Variants in PKIB observed in about 807,000 individuals in gnomAD.
The protein encoded by PKIB is cAMP-dependent protein kinase inhibitor beta.
In PKIB, 2 loss-of-function variants were observed where a neutral mutation model predicts 4.5. The observed-to-expected ratio is 0.44, with a 90% confidence interval of 0.18 to 1.39. The LOEUF is 1.39. Ranked by LOEUF, PKIB falls within the 40% of genes most tolerant of loss-of-function variation. The pLI, the probability that PKIB is intolerant of heterozygous loss-of-function variation, is 0.27. For missense variants in PKIB, 94 were observed against 92.6 expected (o/e 1.02, Z -0.06); for synonymous variants, 38 against 36.0 (o/e 1.06, Z -0.20).
intron 2 of PKIB, among the ~76,000 whole-genome samples, chr6:122,662,308 C>CTTTGTTTTTTTTTTTTTTTTTTT (rs1777030847): frequency 7.5e-5 from 1 of 13,252 alleles, no homozygotes; most frequent in Non-Finnish European, 1.5e-4. Flanking sequence ...TCCTTGTCTC[C>CTTTGTTTTTTTTTTTTTTTTTTT]TTTTTTTTTT....
At chr6:122,701,207 C>A in intron 3 of PKIB, 2 of 421,958 alleles carry the variant, frequency 4.7e-6, no homozygotes, top group South Asian at 3.5e-5. Flanking sequence ...ACCAGGATAC[C>A]ATGCTTGGTT....
chr6:122,672,339 A>T (rs896269128), intron 2 of PKIB, among the ~76,000 whole-genome samples: 1 of 152,216 alleles, frequency 6.6e-6, no homozygotes, highest in African/African-American at 2.4e-5. Context: ...AATATTCCTC[A>T]TCTAAAAACA....
intron 1 of PKIB, among the ~76,000 whole-genome samples, chr6:122,475,888 C>G (rs1289792619): frequency 6.6e-6 from 1 of 152,150 alleles, no homozygotes; most frequent in Non-Finnish European, 1.5e-5. Context: ...CAGTGTGTCT[C>G]CATCAAGGTT....
At chr6:122,513,562 A>G (rs1021895727) in intron 2 of PKIB, among the ~76,000 whole-genome samples, 1 of 152,132 alleles carries the variant, frequency 6.6e-6, no homozygotes, top group African/African-American at 2.4e-5. Context: ...TGGGGTGTAG[A>G]TGTCATCACC....
intron 2 of PKIB, among the ~76,000 whole-genome samples, chr6:122,494,688 G>T (rs1041824122): frequency 9.9e-5 from 15 of 152,160 alleles, no homozygotes; most frequent in Non-Finnish European, 1.6e-4. Context: ...TCTTCAAGTG[G>T]GTCATCAAAG....
chr6:122,569,321 T>G (rs1562254624), intron 2 of PKIB, among the ~76,000 whole-genome samples: 2 of 152,214 alleles, frequency 1.3e-5, no homozygotes, highest in Non-Finnish European at 2.9e-5. Flanking sequence ...CAGCTGGTGC[T>G]CTTTTAAAGT....
chr6:122,513,907 A>G (rs750857610), intron 2 of PKIB, among the ~76,000 whole-genome samples: 1 of 152,222 alleles, frequency 6.6e-6, no homozygotes, highest in Non-Finnish European at 1.5e-5. Context: ...ATTATAAGGA[A>G]AGTGAGGGAA....
intron 2 of PKIB, among the ~76,000 whole-genome samples, chr6:122,653,210 A>G (rs913188857): frequency 2.0e-5 from 3 of 152,188 alleles, no homozygotes; most frequent in Non-Finnish European, 1.5e-5. Context: ...GAAAATAATG[A>G]GGTTGATACA....
chr6:122,485,427 G>A (rs1339651612), intron 2 of PKIB, among the ~76,000 whole-genome samples: 1 of 152,074 alleles, frequency 6.6e-6, no homozygotes, highest in Non-Finnish European at 1.5e-5. Flanking sequence ...GAAGGTTTAG[G>A]TTAAAATATT....
intron 2 of PKIB, among the ~76,000 whole-genome samples, chr6:122,528,189 G>A (rs1051019508): frequency 6.6e-6 from 1 of 152,116 alleles, no homozygotes; most frequent in African/African-American, 2.4e-5. Flanking sequence ...ACCAATATTA[G>A]GCACTAGTAT....
chr6:122,575,943 A>G (rs1302025167), intron 2 of PKIB, among the ~76,000 whole-genome samples: 1 of 152,194 alleles, frequency 6.6e-6, no homozygotes, highest in East Asian at 1.9e-4. Context: ...AACAACATGA[A>G]TGAATCTCAA....
intron 3 of PKIB, among the ~76,000 whole-genome samples, chr6:122,598,312 C>T (rs1164110185): frequency 6.6e-6 from 1 of 151,720 alleles, no homozygotes; most frequent in Non-Finnish European, 1.5e-5. Flanking sequence ...CTTCTGGGAA[C>T]ACTGTGATTA....
chr6:122,654,813 A>G (rs12205720), intron 2 of PKIB, among the ~76,000 whole-genome samples: 38,699 of 152,052 alleles, frequency 0.25, 5,411 homozygotes, highest in East Asian at 0.37. Context: ...TTAGAAAGAG[A>G]AATGTATCTT....
chr6:122,634,209 G>A (rs1435254835), intron 2 of PKIB, among the ~76,000 whole-genome samples: 2 of 151,990 alleles, frequency 1.3e-5, no homozygotes, highest in African/African-American at 4.8e-5. Context: ...GGCCTGTCAG[G>A]GAGTGTGGGG....
At chr6:122,576,710 A>ATATATATATATATATT (rs59569106) in intron 2 of PKIB, among the ~76,000 whole-genome samples, 31 of 109,900 alleles carry the variant, frequency 2.8e-4, no homozygotes, top group African/African-American at 4.0e-4. Flanking sequence ...ATATATATAT[A>ATATATATATATATATT]TTTTCTTTTG....
intron 3 of PKIB, among the ~76,000 whole-genome samples, chr6:122,601,683 T>C (rs1774372490): frequency 6.6e-6 from 1 of 152,204 alleles, no homozygotes; most frequent in African/African-American, 2.4e-5. Flanking sequence ...TTCCACTTAA[T>C]ATATAGTATA....
rs151151718 is a variant in PKIB, at chr6:122,700,168, C to CTGT, written c.-8-17595_-8-17593dup. On this transcript the variant is annotated intron_variant, in intron 3 of 4. Transcript: ENST00000368452. ...AATTGTAGATCTTTGTTTTAGGGTT[C>CTGT]TGTTGTTGTTGTTGTTGTTGTTGTT... Among the ~76,000 whole-genome samples the CTGT allele has an allele frequency of 6.8e-3, 1,017 of 149,366 alleles. 22 individuals carry two copies. The East Asian group carries it at 0.099, about 14-fold the overall frequency.
intron 2 of PKIB, among the ~76,000 whole-genome samples, chr6:122,636,338 A>G (rs1437224172): frequency 6.6e-6 from 1 of 152,128 alleles, no homozygotes; most frequent in Non-Finnish European, 1.5e-5. Context: ...AAGAACCATT[A>G]GGGTAATGAA....
intron 2 of PKIB, among the ~76,000 whole-genome samples, chr6:122,576,559 T>C (rs1773535500): frequency 6.8e-6 from 1 of 147,820 alleles, no homozygotes; most frequent in Non-Finnish European, 1.5e-5. Context: ...TCCCAGCTAA[T>C]CGGGAGGCTG....
Sources: gnomAD v4.1 joint callset for allele counts (sites outside exome capture counted in the v4.1 genomes callset) on GRCh38, gnomAD v4.1.1 for gene constraint, MANE v1.5 for transcripts, NCBI Gene and HGNC (gene_info 2026-07-23, HGNC 2026-07-21) for gene names.